FRMD5: variants seen among roughly 807,000 people sequenced by gnomAD.
The protein encoded by FRMD5 is FERM domain-containing protein 5.
In FRMD5, 20 loss-of-function variants were observed where a neutral mutation model predicts 69.0. That is an observed-to-expected ratio of 0.29 (90% CI 0.20 to 0.42). FRMD5 has a LOEUF of 0.42. Ranked by LOEUF, FRMD5 falls within the 10% of genes least tolerant of loss-of-function variation. FRMD5 has a pLI of 1.00. For missense variants in FRMD5, 595 were observed against 708.6 expected (o/e 0.84, Z 1.82); for synonymous variants, 271 against 260.1 (o/e 1.04, Z -0.40).
At chr15:44,147,188 G>C (rs1311481515) in intron 1 of FRMD5, among the ~76,000 whole-genome samples, 1 of 152,080 alleles carries the variant, frequency 6.6e-6, no homozygotes, top group Non-Finnish European at 1.5e-5. Context: ...TCAGGGTCCG[G>C]TTTCGATTTT....
intron 1 of FRMD5, among the ~76,000 whole-genome samples, chr15:44,132,499 G>A (rs2077116146): frequency 6.6e-6 from 1 of 152,122 alleles, no homozygotes; most frequent in African/African-American, 2.4e-5. Context: ...CATGATCTCT[G>A]CTCACTGCAT....
chr15:43,873,560 A>G lies in FRMD5; in HGVS notation c.*325T>C. ...TAGTAAAATAAATTATTTTTATTTG[A>G]TACTTCAAAATAATATACATCTATG... On this transcript the variant is annotated 3_prime_UTR_variant, in exon 14 of 14. Transcript: ENST00000417257. The G allele has an allele frequency of 7.2e-7, 1 of 1,390,098 alleles. No homozygotes were observed. Among genetic ancestry groups the G allele is most frequent in the South Asian group, 1.4e-5 (1 of 70,980 alleles). The allele number at this position is 1,390,098 out of a possible 1,614,324, so 86.1% of individuals were successfully genotyped here.
chr15:44,013,375 G>T (rs1308490569), intron 1 of FRMD5, among the ~76,000 whole-genome samples: 9 of 152,266 alleles, frequency 5.9e-5, no homozygotes, highest in African/African-American at 2.2e-4. Flanking sequence ...AAGTTCTTCA[G>T]TAACTTAGGT....
chr15:43,952,745 C>T (rs1026282384), intron 1 of FRMD5, among the ~76,000 whole-genome samples: 4 of 152,228 alleles, frequency 2.6e-5, no homozygotes, highest in African/African-American at 4.8e-5. Context: ...GCGGTCAGCA[C>T]GCAGCTTTTG....
intron 1 of FRMD5, among the ~76,000 whole-genome samples, chr15:44,109,739 G>T (rs543892063): frequency 3.9e-5 from 6 of 152,094 alleles, no homozygotes; most frequent in Non-Finnish European, 8.8e-5. Flanking sequence ...GTACAATGAC[G>T]TATATCCATC....
At chr15:43,891,029 C>A (rs1334869545) in intron 8 of FRMD5, among the ~76,000 whole-genome samples, 3 of 152,192 alleles carry the variant, frequency 2.0e-5, no homozygotes, top group Admixed American at 6.5e-5. Context: ...GACTTCCCCC[C>A]ACTGAGCTCT....
chr15:44,070,288 G>A (rs1893483584), intron 1 of FRMD5, among the ~76,000 whole-genome samples: 1 of 151,014 alleles, frequency 6.6e-6, no homozygotes. Context: ...CAGCCTGGGT[G>A]ACAGACCAAA....
At chr15:44,141,687 C>T (rs1347945686) in intron 1 of FRMD5, among the ~76,000 whole-genome samples, 1 of 152,186 alleles carries the variant, frequency 6.6e-6, no homozygotes, top group African/African-American at 2.4e-5. Flanking sequence ...TCCTGAAGGG[C>T]ACTCTGTACC....
At chr15:43,982,415 C>G (rs1486508171) in intron 1 of FRMD5, among the ~76,000 whole-genome samples, 1 of 152,164 alleles carries the variant, frequency 6.6e-6, no homozygotes, top group African/African-American at 2.4e-5. Context: ...TTTGTAAAAC[C>G]CAAAGCCTGG....
intron 1 of FRMD5, among the ~76,000 whole-genome samples, chr15:43,954,721 C>T (rs575490218): frequency 6.6e-6 from 1 of 152,338 alleles, no homozygotes; most frequent in Admixed American, 6.5e-5. Flanking sequence ...CCTTGTTTAA[C>T]AGGGGATCAG....
intron 1 of FRMD5, among the ~76,000 whole-genome samples, chr15:44,092,925 GCCT>G (rs2076493664): frequency 1.6e-5 from 2 of 125,224 alleles, no homozygotes; most frequent in Non-Finnish European, 3.2e-5. Flanking sequence ...TCTATCCTCT[GCCT>G]TTTTTTTTTT....
chr15:44,080,825 C>T (rs1795398954), intron 1 of FRMD5, among the ~76,000 whole-genome samples: 1 of 152,014 alleles, frequency 6.6e-6, no homozygotes, highest in South Asian at 2.1e-4. Context: ...AGTCTTTCTC[C>T]AGCTGGTCTA....
intron 8 of FRMD5, among the ~76,000 whole-genome samples, chr15:43,891,611 C>T (rs940647362): frequency 6.6e-6 from 1 of 152,188 alleles, no homozygotes; most frequent in Non-Finnish European, 1.5e-5. Context: ...CACAGAGATG[C>T]TCCAGAACAG....
chr15:44,091,630 T>C (rs1308980572), intron 1 of FRMD5, among the ~76,000 whole-genome samples: 42 of 152,222 alleles, frequency 2.8e-4, no homozygotes, highest in Admixed American at 2.6e-3. Flanking sequence ...ATGAATCTTA[T>C]AGTGCTAAGT....
chr15:43,970,653 C>T (rs566507573), intron 1 of FRMD5, among the ~76,000 whole-genome samples: 2 of 152,254 alleles, frequency 1.3e-5, no homozygotes, highest in East Asian at 1.9e-4. Context: ...GGCAGGGTTT[C>T]GCCATGTTGG....
intron 1 of FRMD5, among the ~76,000 whole-genome samples, chr15:44,027,647 TTTTG>T (rs1464106078): frequency 2.0e-4 from 6 of 29,392 alleles, no homozygotes; most frequent in African/African-American, 3.4e-4. Flanking sequence ...TAGTTTTTTT[TTTTG>T]TTTTTTTTTT....
rs141982824 is a variant in FRMD5 at position 44,103,110 on chromosome 15, T to C, written c.102+91843A>G. ...TTAGGAAGAAAAACCTCTTTGTGCC[T>C]GATACATTGGATGCATTGTCCTCAT... is the stretch of plus-strand genomic sequence containing the variant. On this transcript the variant is annotated intron_variant, in intron 1 of 13. Coordinates refer to ENST00000417257, the MANE Select transcript of FRMD5 (RefSeq NM_032892.5). Among the ~76,000 whole-genome samples the C allele has an allele frequency of 6.6e-3, 1,011 of 152,296 alleles. 11 individuals are homozygous for C. The highest frequency in any genetic ancestry group is 0.023 in the African/African-American group (973 of 41,562).
At chr15:44,137,216 T>G (rs2077200455) in intron 1 of FRMD5, among the ~76,000 whole-genome samples, 1 of 152,232 alleles carries the variant, frequency 6.6e-6, no homozygotes, top group Admixed American at 6.5e-5. Context: ...CTGTGCCAAG[T>G]GCTGGCTACA....
At chr15:43,960,136 T>G (rs2090174042) in intron 1 of FRMD5, among the ~76,000 whole-genome samples, 1 of 152,212 alleles carries the variant, frequency 6.6e-6, no homozygotes, top group Non-Finnish European at 1.5e-5. Context: ...TCGCCCAGGC[T>G]GGAGTGCAGT....
Sources: allele counts gnomAD v4.1 joint callset (sites outside exome capture counted in the v4.1 genomes callset), GRCh38; gene constraint gnomAD v4.1.1; transcripts MANE v1.5; gene names NCBI Gene and HGNC (gene_info 2026-07-23, HGNC 2026-07-21).